The following ELL3 variants were observed in gnomAD, a reference collection of about 807,000 sequenced individuals.
ELL3 encodes elongation factor for RNA polymerase II 3, also known as RNA polymerase II elongation factor ELL3.
Under a neutral mutation model 58.5 loss-of-function variants are expected in ELL3, and 48 were observed. The observed-to-expected ratio is 0.82, with a 90% CI of 0.65 to 1.04. ELL3 has a LOEUF of 1.04. Among genes scored for constraint, ELL3 ranks in the 50% least tolerant of loss-of-function variants. ELL3 has a pLI of 0.00. For synonymous variants in ELL3, 174 were observed against 173.2 expected (o/e 1.00, Z -0.04); for missense variants, 458 against 478.4 (o/e 0.96, Z 0.40).
At position 43,776,754 on chromosome 15, in the gene ELL3, AG is replaced by A; in HGVS notation, c.132+15del. ...CCCTAGGGGCAGTGACTAGAGAAGAAGGGGGCCGGCCGTACCTGTTGCCGCT... is the reference window on the plus strand; with the variant it reads ...CCCTAGGGGCAGTGACTAGAGAAGAAGGGGCCGGCCGTACCTGTTGCCGCT... On this transcript the variant is annotated intron_variant, in intron 1 of 10. Transcript: ENST00000319359. The A allele has an allele frequency of 6.3e-7, 1 of 1,594,962 alleles. No individual in the cohort carries two copies. The highest frequency in any genetic ancestry group is 2.3e-5 in the East Asian group (1 of 44,378).
rs1443222251 is a variant in ELL3, at chr15:43,775,611, C to G, written c.484-1G>C. 6.2e-7 allele frequency: 1 copy of G among 1,614,080 alleles called. No individual in the cohort carries two copies. The highest frequency in any genetic ancestry group is 1.3e-5 in the African/African-American group (1 of 74,918). ...TTGCCAGTGGATCTGACACTGACAC[C>G]TGGTGGGGAAAGTGGCAGGAGCACT... On this transcript the variant is annotated splice_acceptor_variant, in intron 4 of 10. Transcript: ENST00000319359. LOFTEE classifies it high-confidence loss of function.
At chr15:43,774,103 A>C (rs1182019326) in intron 9 of ELL3, 79 bp downstream of exon 9, 2 of 1,539,714 alleles carry the variant, frequency 1.3e-6, no homozygotes, top group African/African-American at 2.8e-5. Flanking sequence ...TAGTCACTTT[A>C]TAAACACAGG....
rs924498454 is a variant in ELL3, at chr15:43,776,642, A to C, written c.133-98T>G. 101 of 1,547,262 alleles carry C rather than the reference A, an allele frequency of 6.5e-5. 1 individual carries two copies. The Admixed American group carries it at 1.9e-3, about 29-fold the overall frequency. On this transcript the variant is annotated intron_variant, in intron 1 of 10. Coordinates refer to ENST00000319359, the MANE Select transcript of ELL3 (RefSeq NM_025165.3). ...CGGGATCACCTGCCTAGCGGGCTTC[A>C]CTTGGAGAGGTGGGGAGGCCAGAGC...
chr15:43,773,442 G>A (rs2086893259), intron 9 of ELL3, 94 bp from the exon 10 acceptor site: 7 of 1,362,072 alleles, frequency 5.1e-6, no homozygotes, highest in Non-Finnish European at 7.2e-6. Context: ...CCAGCACTTT[G>A]GGCGGCTGAG....
At chr15:43,774,849 T>C in intron 6 of ELL3, 76 bp from the exon 7 acceptor site, 1 of 1,451,450 alleles carries the variant, frequency 6.9e-7, no homozygotes, top group Non-Finnish European at 9.1e-7. Flanking sequence ...GAATTTCTCC[T>C]AGGCTGGGCA....
At chr15:43,776,447 T>G in intron 2 of ELL3, 62 bp downstream of exon 2, 1 of 1,552,500 alleles carries the variant, frequency 6.4e-7, no homozygotes, top group Admixed American at 2.0e-5. Flanking sequence ...ACCTTCCACC[T>G]CCAGCCCACG....
In ELL3 at chr15:43,774,645, T is replaced by G. The variant is rs2086901562; in HGVS notation, c.774A>C (p.Glu258Asp). 1 of 1,614,214 alleles carries G rather than the reference T, an allele frequency of 6.2e-7. No homozygotes were observed. The highest frequency in any genetic ancestry group is 8.5e-7 in the Non-Finnish European group (1 of 1,180,042). The change falls in exon 7 of 11, where the codon GAA becomes GAC. Residue 258 changes from glutamate (E) to aspartate (D), a missense_variant. Coordinates refer to ENST00000319359, the MANE Select transcript of ELL3 (RefSeq NM_025165.3). The stretch of plus-strand genomic sequence containing the variant: ...CTAATCTGGGGTCCATGTCCTCATC[T>G]TCTTGCTCCCAATCTTCTCCCTCTT... ...DLQEGEDWEQ[E>D]DEDMDPRLEH...
chr15:43,774,129 C>T lies in ELL3; in HGVS notation c.1038+53G>A, dbSNP rs1221356589. 5 of 1,594,984 alleles carry T rather than the reference C, an allele frequency of 3.1e-6. No individual in the cohort carries two copies. In the African/African-American group the frequency reaches 5.4e-5, roughly 17 times the overall value. ...TAAACACAGGTGTATGGATGGTTAG[C>T]AGGGGGTTAATGGCCAGTAGAGCTG... is the stretch of plus-strand genomic sequence containing the variant. On this transcript the variant is annotated intron_variant, in intron 9 of 10. Coordinates refer to ENST00000319359, the MANE Select transcript of ELL3 (RefSeq NM_025165.3).
Position 43,774,714 on chromosome 15 carries a change from A to T in ELL3, c.705T>A (p.Pro235=). The T allele has an allele frequency of 6.2e-7, 1 of 1,614,104 alleles. No homozygotes were observed. Among genetic ancestry groups the T allele is most frequent in the Non-Finnish European group, 8.5e-7 (1 of 1,180,004 alleles). The change falls in exon 7 of 11, where the codon CCT becomes CCA. Residue 235 remains proline, a synonymous_variant. Coordinates refer to ENST00000319359, the MANE Select transcript of ELL3 (RefSeq NM_025165.3). ...ELEEKRFRTL[P]LVPSPLQGLT... ...GGCCTTGTAGGGGGCTTGGCACTAAAGGCAGAGTTCTGAACCTCTTTTCTT... is the reference window on the plus strand; with the variant it reads ...GGCCTTGTAGGGGGCTTGGCACTAATGGCAGAGTTCTGAACCTCTTTTCTT...
At position 43,775,737 on chromosome 15, in the gene ELL3, C is replaced by G. The variant is rs771558827; in HGVS notation, c.468G>C (p.Gln156His). The G allele has an allele frequency of 6.2e-7, 1 of 1,614,188 alleles. No homozygotes were observed. Among genetic ancestry groups the G allele is most frequent in the Admixed American group, 1.7e-5 (1 of 60,026 alleles). Residue 156 changes from glutamine to histidine, a missense_variant, in exon 4 of 11, where the codon CAG becomes CAC. Physicochemically the swap from Gln to His is conservative, Grantham distance 24. Transcript: ENST00000319359. ...YSEGDAVSQP[Q>H]MALEEVSVSD... The stretch of plus-strand genomic sequence containing the variant: ...CCTCACCCACCTCCTCTAGTGCCAT[C>G]TGTGGCTGTGATACTGCATCTCCTT...
Position 43,775,926 on chromosome 15 carries a change from G to A in ELL3, c.282-3C>T. 1 of 1,614,056 alleles carries A rather than the reference G, an allele frequency of 6.2e-7. No individual in the cohort carries two copies. Among genetic ancestry groups the A allele is most frequent in the Non-Finnish European group, 8.5e-7 (1 of 1,180,000 alleles). ...AGTGGAGGCTGTTAGGCCCAGACCT[G>A]GAAAAGGATGGTGGAAAAAAATAGG... On this transcript the variant is annotated splice_region_variant and splice_polypyrimidine_tract_variant and intron_variant, in intron 3 of 10. Transcript: ENST00000319359.
At position 43,775,839 on chromosome 15, in the gene ELL3, T is replaced by C. The variant is rs2086911233; in HGVS notation, c.366A>G (p.Pro122=). The change falls in exon 4 of 11, where the codon CCA becomes CCG. Residue 122 remains proline (P), a synonymous_variant. Coordinates refer to ENST00000319359, the MANE Select transcript of ELL3 (RefSeq NM_025165.3). ...TCAGGTTGTGTCCCTGAACTGATGA[T>C]GGGGCTGGGATAGAATCCATGGCTG... The part of the protein sequence containing the change: ...IWAAMDSIPA[P]SSVQGHNLTE... 6.2e-7 allele frequency: 1 copy of C among 1,614,196 alleles called. No individual in the cohort carries two copies. Among genetic ancestry groups the C allele is most frequent in the Admixed American group, 1.7e-5 (1 of 60,012 alleles).
In ELL3 at chr15:43,775,851, A is replaced by G; in HGVS notation, c.354T>C (p.Ser118=). The change falls in exon 4 of 11, where the codon TCT becomes TCC. Residue 118 remains serine, a synonymous_variant. Coordinates refer to ENST00000319359, the MANE Select transcript of ELL3 (RefSeq NM_025165.3). ...CCTGAACTGATGATGGGGCTGGGAT[A>G]GAATCCATGGCTGCCCAAATAATGA... ...ERLIIWAAMD[S]IPAPSSVQGH... The G allele has an allele frequency of 6.2e-7, 1 of 1,614,206 alleles. No individual in the cohort carries two copies. The highest frequency in any genetic ancestry group is 1.1e-5 in the South Asian group (1 of 91,090).
At chr15:43,775,210 A>G (rs1233490248) in intron 6 of ELL3, 96 bp downstream of exon 6, 4 of 1,286,362 alleles carry the variant, frequency 3.1e-6, no homozygotes, top group Non-Finnish European at 4.2e-6. Flanking sequence ...CAATTTCTAA[A>G]TTTTAGCTTG....
At position 43,776,059 on chromosome 15, in the gene ELL3, A is replaced by G. The variant is rs143421902; in HGVS notation, c.261T>C (p.Leu87=). The G allele has an allele frequency of 4.0e-5, 65 of 1,614,082 alleles. No homozygotes were observed. In the African/African-American group the frequency reaches 8.4e-4, roughly 21 times the overall value. ...CQEGAGGSLD[L]VCQRFLRSGP... ...CTCACCTGAGGAAGCGTTGGCACACAAGGTCCAAGCTACCACCAGCGCCCT... is the reference window on the plus strand; with the variant it reads ...CTCACCTGAGGAAGCGTTGGCACACGAGGTCCAAGCTACCACCAGCGCCCT... The change falls in exon 3 of 11, where the codon CTT becomes CTC. Residue 87 remains leucine, a synonymous_variant. Coordinates refer to ENST00000319359, the MANE Select transcript of ELL3 (RefSeq NM_025165.3).
At chr15:43,775,683 A>G (rs531883967) in intron 4 of ELL3, 39 bp downstream of exon 4, 2 of 1,613,894 alleles carry the variant, frequency 1.2e-6, no homozygotes, top group South Asian at 2.2e-5. Context: ...GCTTTGCCCC[A>G]CCTTATCACA....
At chr15:43,775,492 C>T (rs765758493) in intron 5 of ELL3, 33 bp downstream of exon 5, 1 of 1,613,230 alleles carries the variant, frequency 6.2e-7, no homozygotes, top group Non-Finnish European at 8.5e-7. Flanking sequence ...AATGCCAAAG[C>T]TTCCCATGTT....
In ELL3 at chr15:43,774,678, C is replaced by T; in HGVS notation, c.741G>A (p.Gln247=). The T allele has an allele frequency of 6.2e-7, 1 of 1,614,124 alleles. No individual in the cohort carries two copies. The highest frequency in any genetic ancestry group is 8.5e-7 in the Non-Finnish European group (1 of 1,180,042). Residue 247 remains glutamine (Q), a synonymous_variant, in exon 7 of 11, where the codon CAG becomes CAA. Coordinates refer to ENST00000319359, the MANE Select transcript of ELL3 (RefSeq NM_025165.3). ...VPSPLQGLTN[Q]DLQEGEDWEQ... Reference sequence around the variant, plus strand: ...CCCAATCTTCTCCCTCTTGTAAATCCTGATTGGTCAGGCCTTGTAGGGGGC... The same window carrying T: ...CCCAATCTTCTCCCTCTTGTAAATCTTGATTGGTCAGGCCTTGTAGGGGGC...
At chr15:43,775,994 C>G (rs368047550) in intron 3 of ELL3, 45 bp downstream of exon 3, 26 of 1,612,038 alleles carry the variant, frequency 1.6e-5, no homozygotes, top group Non-Finnish European at 1.4e-5. Context: ...TTCCCTCCCC[C>G]ACTTTCCACA....
Sources: allele counts gnomAD v4.1 joint callset, GRCh38; gene constraint gnomAD v4.1.1; transcripts MANE v1.5; gene names NCBI Gene and HGNC (gene_info 2026-07-23, HGNC 2026-07-21).